TRIP13: variants seen among roughly 807,000 people sequenced by gnomAD.
TRIP13 encodes the protein thyroid hormone receptor interactor 13, also known as pachytene checkpoint protein 2 homolog.
In TRIP13, 25 loss-of-function variants were observed where a neutral mutation model predicts 54.4. That is an observed-to-expected ratio of 0.46 (90% CI 0.33 to 0.64). The LOEUF (loss-of-function observed/expected upper bound fraction) is 0.64. TRIP13 is among the 30% of genes least tolerant of loss of function. The pLI, the probability that TRIP13 is intolerant of heterozygous loss-of-function variation, is 0.02. For synonymous variants in TRIP13, 207 were observed against 207.8 expected (o/e 1.00, Z 0.03); for missense variants, 373 against 534.2 (o/e 0.70, Z 2.97).
Position 912,086 on chromosome 5 carries a change from T to C in TRIP13, c.1020+90T>C. On this transcript the variant is annotated intron_variant, in intron 10 of 12. Transcript: ENST00000166345. This position sits in a 1 kb window ranked among gnomAD's most constrained non-coding sequence, Gnocchi z 7.2. ...ATAGCTTAAAATAAGCTCGTTCCAGTACGGAGGATTTCAACATATGCATTA... is the reference window on the plus strand; with the variant it reads ...ATAGCTTAAAATAAGCTCGTTCCAGCACGGAGGATTTCAACATATGCATTA... The C allele has an allele frequency of 2.0e-6, 3 of 1,475,884 alleles. No homozygotes were observed. Among genetic ancestry groups the C allele is most frequent in the Non-Finnish European group, 2.7e-6 (3 of 1,102,106 alleles). 91.4% of individuals were successfully genotyped at this position (1,475,884 alleles called of 1,614,324 possible).
At position 915,466 on chromosome 5, in the gene TRIP13, A is replaced by C. The variant is rs6882894; in HGVS notation, c.1134-438A>C. Among the ~76,000 whole-genome samples, 40 of 121,944 alleles carry C rather than the reference A, an allele frequency of 3.3e-4. No individual in the cohort carries two copies. Among genetic ancestry groups the C allele is most frequent in the African/African-American group, 1.1e-3 (32 of 28,386 alleles). The allele number at this position is 121,944 out of a possible 152,430, so 80.0% of individuals were successfully genotyped here. On this transcript the variant is annotated intron_variant, in intron 11 of 12. Coordinates refer to ENST00000166345, the MANE Select transcript of TRIP13 (RefSeq NM_004237.4). The surrounding 1 kb of genome is among the most constrained non-coding windows in gnomAD (Gnocchi z 4.2). ...GCAGAGGCTCCCAGGCAGGTGATGC[A>C]TTCCCTGAGCGCAAGGATGCTGGCC...
intron 1 of TRIP13, 145 bp from the exon 2 acceptor site, chr5:894,642 A>G: frequency 1.2e-6 from 1 of 861,964 alleles, no homozygotes; most frequent in Non-Finnish European, 1.7e-6. Context: ...GTGGCTCTAG[A>G]TTTGGTCCCA....
At chr5:916,037 T>G in intron 12 of TRIP13, 64 bp downstream of exon 12, 1 of 1,505,018 alleles carries the variant, frequency 6.6e-7, no homozygotes, top group Non-Finnish European at 9.2e-7. Flanking sequence ...CGCCGGAGAT[T>G]CCGCTTAGTA....
chr5:913,639 A>T lies in TRIP13; in HGVS notation c.1021-826A>T, dbSNP rs1163714591. On this transcript the variant is annotated intron_variant, in intron 10 of 12. Coordinates refer to ENST00000166345, the MANE Select transcript of TRIP13 (RefSeq NM_004237.4). This position sits in a 1 kb window ranked among gnomAD's most constrained non-coding sequence, Gnocchi z 4.5. ...CCAAAGTGCTGAGGTTACAGGCGTG[A>T]GCCACCGTGCCCAGTGATAGGGGTA... Among the ~76,000 whole-genome samples, 1 of 152,188 alleles carries T rather than the reference A, an allele frequency of 6.6e-6. No homozygotes were observed. The highest frequency in any genetic ancestry group is 6.5e-5 in the Admixed American group (1 of 15,276).
At position 907,861 on chromosome 5, in the gene TRIP13, CTGAGGGGCCGTCAGGAGACAGTGGGCT is replaced by C; in HGVS notation, c.673-124_673-98del. On this transcript the variant is annotated intron_variant, in intron 7 of 12. Transcript: ENST00000166345. The surrounding 1 kb of genome is among the most constrained non-coding windows in gnomAD (Gnocchi z 4.1). ...TAGCTTCTCTGATTTAGGGAGCTTT[CTGAGGGGCCGTCAGGAGACAGTGGGCT>C]TGTGGGGACAACTGGGGCAGCAGGC... The C allele has an allele frequency of 6.7e-6, 6 of 889,142 alleles. No individual in the cohort carries two copies. Among genetic ancestry groups the C allele is most frequent in the Non-Finnish European group, 1.1e-5 (6 of 550,142 alleles). The allele number at this position is 889,142 out of a possible 1,614,324, so 55.1% of individuals were successfully genotyped here.
chr5:900,253 C>T (rs1753953792), intron 3 of TRIP13, among the ~76,000 whole-genome samples: 1 of 152,226 alleles, frequency 6.6e-6, no homozygotes, highest in Non-Finnish European at 1.5e-5. Flanking sequence ...AATTCTTTGA[C>T]TCCATCCAGT....
Position 915,815 on chromosome 5 carries a change from C to T in TRIP13, c.1134-89C>T, listed in dbSNP as rs2150692792. The T allele has an allele frequency of 1.4e-6, 2 of 1,430,234 alleles. No homozygotes were observed. Among genetic ancestry groups the T allele is most frequent in the East Asian group, 4.5e-5 (2 of 43,966 alleles). The allele number at this position is 1,430,234 out of a possible 1,614,324, so 88.6% of individuals were successfully genotyped here. On this transcript the variant is annotated intron_variant, in intron 11 of 12. Coordinates refer to ENST00000166345, the MANE Select transcript of TRIP13 (RefSeq NM_004237.4). The surrounding 1 kb of genome is among the most constrained non-coding windows in gnomAD (Gnocchi z 4.2). ...GCTTGGGACGCCTCGGCTTGTGTTC[C>T]CAGGGATGCCTCGGCCAATGAGGAA...
In TRIP13 at chr5:896,523, G is replaced by A. The variant is rs376188219; in HGVS notation, c.259-142G>A. The stretch of plus-strand genomic sequence containing the variant: ...ATCCTCAATCTGAAATAAAATAATA[G>A]CCTTCTCATCTAATCTGAGAACTAG... On this transcript the variant is annotated intron_variant, in intron 2 of 12. Transcript: ENST00000166345. 5.1e-6 allele frequency: 4 copies of A among 789,810 alleles called. No individual in the cohort carries two copies. In the African/African-American group the frequency reaches 6.9e-5, roughly 14 times the overall value. 48.9% of individuals were successfully genotyped at this position (789,810 alleles called of 1,614,324 possible).
intron 6 of TRIP13, among the ~76,000 whole-genome samples, chr5:906,723 G>A (rs1754123045): frequency 6.6e-6 from 1 of 152,204 alleles, no homozygotes. Flanking sequence ...GGCCACCTGA[G>A]CATTCCTGGG....
chr5:894,722 A>G (rs977258120), intron 1 of TRIP13, 65 bp from the exon 2 acceptor site: 19 of 1,525,836 alleles, frequency 1.2e-5, no homozygotes, highest in Admixed American at 4.2e-5. Flanking sequence ...TTTTCAAAAC[A>G]CTTCATTTTA....
Position 908,472 on chromosome 5 carries a change from C to T in TRIP13, c.866+11C>T, listed in dbSNP as rs780412634. 7.4e-6 allele frequency: 12 copies of T among 1,613,236 alleles called. No homozygotes were observed. The highest frequency in any genetic ancestry group is 2.2e-5 in the South Asian group (2 of 91,078). ...TGATCAGATTAAAAGGTAACCAGGA[C>T]ATGCAGCAATTTTCCCTGAGAAGTG... On this transcript the variant is annotated intron_variant, in intron 9 of 12. Coordinates refer to ENST00000166345, the MANE Select transcript of TRIP13 (RefSeq NM_004237.4). This position sits in a 1 kb window ranked among gnomAD's most constrained non-coding sequence, Gnocchi z 5.2.
intron 1 of TRIP13, among the ~76,000 whole-genome samples, chr5:894,492 G>A (rs61350471): frequency 0.047 from 7,184 of 152,258 alleles, 527 homozygotes; most frequent in African/African-American, 0.16. Flanking sequence ...GCCAGGTATC[G>A]TCCTAAACAC....
In TRIP13 at chr5:908,547, C is replaced by T; in HGVS notation, c.866+86C>T. On this transcript the variant is annotated intron_variant, in intron 9 of 12. Transcript: ENST00000166345. The surrounding 1 kb of genome is among the most constrained non-coding windows in gnomAD (Gnocchi z 5.2). ...GCGTGATACTTGTGCAACCCTAGAT[C>T]TTAGTGCCCAGCTCTTTCACCGGAA... 6.4e-7 allele frequency: 1 copy of T among 1,572,692 alleles called. No individual in the cohort carries two copies. The highest frequency in any genetic ancestry group is 1.7e-5 in the Admixed American group (1 of 57,320).
rs934179925 is a variant in TRIP13, at chr5:908,585, A to T, written c.866+124A>T. On this transcript the variant is annotated intron_variant, in intron 9 of 12. Coordinates refer to ENST00000166345, the MANE Select transcript of TRIP13 (RefSeq NM_004237.4). The surrounding 1 kb of genome is among the most constrained non-coding windows in gnomAD (Gnocchi z 5.2). Reference sequence around the variant, plus strand: ...TCTTTCACCGGAAAGTGCATTTGGCATTGAGTATCGACTCCTTTTCCACAT... The same window carrying T: ...TCTTTCACCGGAAAGTGCATTTGGCTTTGAGTATCGACTCCTTTTCCACAT... 27 of 1,511,994 alleles carry T rather than the reference A, an allele frequency of 1.8e-5. No individual in the cohort carries two copies. The Admixed American group carries it at 5.2e-4, about 29-fold the overall frequency. The allele number at this position is 1,511,994 out of a possible 1,614,324, so 93.7% of individuals were successfully genotyped here.
In TRIP13 at chr5:901,413, C is replaced by T. The variant is rs772997736; in HGVS notation, c.517C>T (p.Arg173Trp). The change falls in exon 5 of 13, where the codon CGG becomes TGG. Residue 173 changes from arginine to tryptophan, a missense_variant. Around this residue, in one of 4 missense-constraint regions of TRIP13, gnomAD observed 119 missense variants for 223.0 expected, o/e 0.53. Coordinates refer to ENST00000166345, the MANE Select transcript of TRIP13 (RefSeq NM_004237.4). The stretch of plus-strand genomic sequence containing the variant: ...CAACAGCAACCTCATCACCTGGAAC[C>T]GGGTGGTGCTGCTCCACGGTAAATT... ...NVNSNLITWN[R>W]VVLLHGPPGT... 1 of 1,614,122 alleles carries T rather than the reference C, an allele frequency of 6.2e-7. No homozygotes were observed. Among genetic ancestry groups the T allele is most frequent in the Non-Finnish European group, 8.5e-7 (1 of 1,179,998 alleles).
intron 1 of TRIP13, 68 bp downstream of exon 1, chr5:893,158 C>A: frequency 7.1e-7 from 1 of 1,414,706 alleles, no homozygotes; most frequent in South Asian, 1.2e-5. Context: ...GTGCACCGAG[C>A]CCCGACCCCA....
At position 917,748 on chromosome 5, in the gene TRIP13, A is replaced by T. The variant is rs1172330364; in HGVS notation, c.*645A>T. On this transcript the variant is annotated 3_prime_UTR_variant, in exon 13 of 13. Coordinates refer to ENST00000166345, the MANE Select transcript of TRIP13 (RefSeq NM_004237.4). ...AGTGCAGACTCTGAGTGTTCCAGGG[A>T]AACACATGCTGGACATCCCTTGTAA... is the stretch of plus-strand genomic sequence containing the variant. 6.6e-6 allele frequency: 1 copy of T among 152,238 alleles called. No individual in the cohort carries two copies. 9.4% of individuals were successfully genotyped at this position (152,238 alleles called of 1,614,324 possible). A position where few individuals can be genotyped will look rare whatever the true frequency, so the allele number is the denominator to read the frequency against.
chr5:911,031 G>A lies in TRIP13; in HGVS notation c.867-812G>A, dbSNP rs1242722025. On this transcript the variant is annotated intron_variant, in intron 9 of 12. Coordinates refer to ENST00000166345, the MANE Select transcript of TRIP13 (RefSeq NM_004237.4). This position sits in a 1 kb window ranked among gnomAD's most constrained non-coding sequence, Gnocchi z 4.7. ...CACGCCCCCCAGGCCTGTGCAGCAT[G>A]CTCCCTGGGGGCACCTTGTGCCCGC... Among the ~76,000 whole-genome samples, 1 of 152,256 alleles carries A rather than the reference G, an allele frequency of 6.6e-6. No individual in the cohort carries two copies. The highest frequency in any genetic ancestry group is 2.4e-5 in the African/African-American group (1 of 41,478).
At chr5:918,775 G>A (rs1008517182), downstream of TRIP13, among the ~76,000 whole-genome samples, 2 of 152,158 alleles carry the variant, frequency 1.3e-5, no homozygotes, top group Admixed American at 1.3e-4. The surrounding 1 kb of genome is among the most constrained non-coding windows in gnomAD (Gnocchi z 4.3). Flanking sequence ...ATCCAGCACA[G>A]GAGAAAGATG....
Sources: allele counts gnomAD v4.1 joint callset (sites outside exome capture counted in the v4.1 genomes callset), GRCh38; gene constraint gnomAD v4.1.1; regional missense constraint gnomAD v4.1.1; non-coding constraint Gnocchi (gnomAD v3.1); transcripts MANE v1.5; gene names NCBI Gene and HGNC (gene_info 2026-07-23, HGNC 2026-07-21).